Variants in ANP32A observed in about 807,000 individuals in gnomAD.
ANP32A encodes acidic leucine-rich nuclear phosphoprotein 32 family member A.
A neutral mutation model predicts 33.9 loss-of-function variants in ANP32A; 1 was observed. The observed-to-expected ratio is 0.03, with a 90% CI of 0.01 to 0.14. The LOEUF (loss-of-function observed/expected upper bound fraction) is 0.14, where lower values mean the gene tolerates loss of function less well. ANP32A is among the 10% of genes least tolerant of loss of function. ANP32A has a pLI of 1.00. For synonymous variants in ANP32A, 115 were observed against 120.5 expected (o/e 0.95, Z 0.30); for missense variants, 155 against 306.0 (o/e 0.51, Z 3.68).
chr15:68,813,876 T>TTTG (rs1322620754), intron 1 of ANP32A, among the ~76,000 whole-genome samples: 3 of 147,244 alleles, frequency 2.0e-5, no homozygotes, highest in Non-Finnish European at 4.5e-5. Flanking sequence ...AAGTTTTTTT[T>TTTG]TTTTTTTTTT....
intron 1 of ANP32A, among the ~76,000 whole-genome samples, chr15:68,813,487 T>C (rs367613795): frequency 1.2e-3 from 182 of 152,360 alleles, no homozygotes; most frequent in Middle Eastern, 6.8e-3. Flanking sequence ...GTTGGGTATT[T>C]ATCATTTGTT....
chr15:68,792,448 G>A (rs1174140037), intron 1 of ANP32A, among the ~76,000 whole-genome samples: 2 of 152,198 alleles, frequency 1.3e-5, no homozygotes, highest in Non-Finnish European at 2.9e-5. Context: ...ATGTCAGATT[G>A]CTGGGGGTCC....
intron 4 of ANP32A, 66 bp from the exon 5 acceptor site, chr15:68,783,119 A>C (rs1893890623): frequency 6.5e-7 from 1 of 1,545,092 alleles, no homozygotes; most frequent in African/African-American, 1.4e-5. Flanking sequence ...CCCACACAGC[A>C]CAGGCCCCTT....
intron 1 of ANP32A, among the ~76,000 whole-genome samples, chr15:68,805,089 G>A (rs886612279): frequency 1.3e-5 from 2 of 152,174 alleles, no homozygotes; most frequent in Admixed American, 1.3e-4. Context: ...TGGGGGCCCT[G>A]TGAGTCCTGC....
intron 1 of ANP32A, among the ~76,000 whole-genome samples, chr15:68,801,323 C>CATCT (rs1229073088): frequency 6.6e-6 from 1 of 151,590 alleles, no homozygotes; most frequent in Non-Finnish European, 1.5e-5. Context: ...AATCTACACC[C>CATCT]CGGACATCTC....
chr15:68,780,520 G>A lies in ANP32A; in HGVS notation c.625-47C>T, dbSNP rs759837165. ...AGAACATTAGAAATGCCCTGCCTTG[G>A]GACATGCTGAGGAAGCCACACAGAG... is the stretch of plus-strand genomic sequence containing the variant. On this transcript the variant is annotated intron_variant, in intron 5 of 6. Coordinates refer to ENST00000465139, the MANE Select transcript of ANP32A (RefSeq NM_006305.4). The surrounding 1 kb of genome is among the most constrained non-coding windows in gnomAD (Gnocchi z 4.3). 2 of 1,612,154 alleles carry A rather than the reference G, an allele frequency of 1.2e-6. No homozygotes were observed. The highest frequency in any genetic ancestry group is 1.7e-6 in the Non-Finnish European group (2 of 1,179,028).
At position 68,780,099 on chromosome 15, in the gene ANP32A, C is replaced by T. The variant is rs781321672; in HGVS notation, c.732G>A (p.Glu244=). The change falls in exon 7 of 7, where the codon GAG becomes GAA. Residue 244 remains glutamate, a synonymous_variant. Transcript: ENST00000465139. The surrounding 1 kb of genome is among the most constrained non-coding windows in gnomAD (Gnocchi z 4.3). ...ATTCCACTTAGTCATCATCTTCTCC[C>T]TCATCTTCAGGTTCTCGTTTTCGCT... is the stretch of plus-strand genomic sequence containing the variant. The part of the protein sequence containing the change: ...GQKRKREPED[E]GEDDD 6.8e-6 allele frequency: 11 copies of T among 1,613,532 alleles called. No homozygotes were observed. In the East Asian group the frequency reaches 2.5e-4, roughly 36 times the overall value.
At chr15:68,782,724 G>T in intron 5 of ANP32A, 2 of 683,838 alleles carry the variant, frequency 2.9e-6, no homozygotes, top group Non-Finnish European at 4.7e-6. Flanking sequence ...TTCAGTCCCT[G>T]CCTCTAAAAT....
At chr15:68,792,282 G>A (rs1384279290) in intron 1 of ANP32A, 1 of 152,138 alleles carries the variant, frequency 6.6e-6, no homozygotes, top group Non-Finnish European at 1.5e-5. Context: ...ACCCTACCTA[G>A]TGGAACTGAA....
chr15:68,808,032 G>T (rs963122613), intron 1 of ANP32A, among the ~76,000 whole-genome samples: 1 of 152,172 alleles, frequency 6.6e-6, no homozygotes, highest in Non-Finnish European at 1.5e-5. Context: ...GTGGGGATGT[G>T]GGGGGCAGGT....
In ANP32A at chr15:68,779,110, C is replaced by G. The variant is rs1438610157; in HGVS notation, c.*971G>C. 3.9e-5 allele frequency: 6 copies of G among 151,942 alleles called. No homozygotes were observed. Among genetic ancestry groups the G allele is most frequent in the Admixed American group, 2.0e-4 (3 of 15,260 alleles). 9.4% of individuals were successfully genotyped at this position (151,942 alleles called of 1,614,324 possible). A position where few individuals can be genotyped will look rare whatever the true frequency, so the allele number is the denominator to read the frequency against. ...TGTACATTCACTAGGAATTTGCAGT[C>G]ATTTCAGATTTCCACTAGGTAAGAA... On this transcript the variant is annotated 3_prime_UTR_variant, in exon 7 of 7. Transcript: ENST00000465139.
intron 1 of ANP32A, among the ~76,000 whole-genome samples, chr15:68,814,289 C>T (rs1229476935): frequency 6.6e-6 from 1 of 152,032 alleles, no homozygotes; most frequent in Non-Finnish European, 1.5e-5. Context: ...GCCAGGCACG[C>T]TGGCTCACAC....
At chr15:68,804,343 G>A (rs1010897377) in intron 1 of ANP32A, among the ~76,000 whole-genome samples, 1 of 152,114 alleles carries the variant, frequency 6.6e-6, no homozygotes, top group East Asian at 1.9e-4. Flanking sequence ...CCTTAGGTTG[G>A]TTACTTAACC....
chr15:68,795,750 GCCCCT>G (rs1567036283), intron 1 of ANP32A, among the ~76,000 whole-genome samples: 1 of 152,130 alleles, frequency 6.6e-6, no homozygotes, highest in African/African-American at 2.4e-5. Context: ...TCCTAGCTGG[GCCCCT>G]CCCTGATATT....
Position 68,780,131 on chromosome 15 carries a change from C to T in ANP32A, c.700G>A (p.Gly234Ser). The change falls in exon 7 of 7, where the codon GGT (glycine) becomes AGT (serine). Residue 234 changes from glycine to serine, a missense_variant. Physicochemically the swap from Gly to Ser is moderately conservative, Grantham distance 56 (BLOSUM62 0). This residue lies in a region of ANP32A where 63 missense variants were observed against 82.8 expected (regional missense o/e 0.76). Transcript: ENST00000465139. The surrounding 1 kb of genome is among the most constrained non-coding windows in gnomAD (Gnocchi z 4.3). ...DEEELGEEERGQKRKREPEDE... is the reference protein window; with the variant it reads ...DEEELGEEERSQKRKREPEDE... ...TCAGGTTCTCGTTTTCGCTTCTGACCCCTTTCTTCTTCTGGAAAAGTAAGA... is the reference window on the plus strand; with the variant it reads ...TCAGGTTCTCGTTTTCGCTTCTGACTCCTTTCTTCTTCTGGAAAAGTAAGA... 6.2e-7 allele frequency: 1 copy of T among 1,613,656 alleles called. No individual in the cohort carries two copies. Among genetic ancestry groups the T allele is most frequent in the South Asian group, 1.1e-5 (1 of 91,068 alleles).
intron 1 of ANP32A, chr15:68,818,353 G>A: frequency 5.4e-6 from 1 of 183,490 alleles, no homozygotes; most frequent in Non-Finnish European, 1.2e-5. Flanking sequence ...AGCGCGGCGG[G>A]GAGGGGCGCA....
intron 1 of ANP32A, among the ~76,000 whole-genome samples, chr15:68,799,311 A>T (rs2958407): frequency 0.085 from 13,007 of 152,200 alleles, 1,680 homozygotes; most frequent in African/African-American, 0.28. Flanking sequence ...AGACACGATG[A>T]GGGAAGAAAG....
intron 1 of ANP32A, among the ~76,000 whole-genome samples, chr15:68,788,723 G>A (rs969653388): frequency 1.3e-5 from 2 of 152,186 alleles, no homozygotes; most frequent in African/African-American, 4.8e-5. Flanking sequence ...CAGCATAGAC[G>A]TGGAAGGAGA....
Position 68,778,966 on chromosome 15 carries a change from G to C in ANP32A, c.*1115C>G, listed in dbSNP as rs1354569668. 1 of 152,060 alleles carries C rather than the reference G, an allele frequency of 6.6e-6. No homozygotes were observed. The highest frequency in any genetic ancestry group is 2.4e-5 in the African/African-American group (1 of 41,410). The allele number at this position is 152,060 out of a possible 1,614,324, so 9.4% of individuals were successfully genotyped here. ...CAAACAGACATAAAACTCAAAGTTT[G>C]GCTCTTCTGAGGGGCAGGAGAAAAA... On this transcript the variant is annotated 3_prime_UTR_variant, in exon 7 of 7. Coordinates refer to ENST00000465139, the MANE Select transcript of ANP32A (RefSeq NM_006305.4).
Sources: allele counts gnomAD v4.1 joint callset (sites outside exome capture counted in the v4.1 genomes callset), GRCh38; gene constraint gnomAD v4.1.1; regional missense constraint gnomAD v4.1.1; non-coding constraint Gnocchi (gnomAD v3.1); transcripts MANE v1.5; gene names NCBI Gene and HGNC (gene_info 2026-07-23, HGNC 2026-07-21).